The following TNPO2 variants were observed in gnomAD, a reference collection of about 807,000 sequenced individuals.
TNPO2 encodes transportin 2, also known as transportin-2.
In TNPO2, 16 loss-of-function variants were observed where a neutral mutation model predicts 111.1. That is an observed-to-expected ratio of 0.14 (90% confidence interval 0.10 to 0.22). The LOEUF is 0.22. Among genes scored for constraint, TNPO2 ranks in the 10% least tolerant of loss-of-function variants. The probability of loss-of-function intolerance (pLI) is 1.00; values close to 1 mark genes in which losing one functional copy is unlikely to be tolerated. For missense variants in TNPO2, 530 were observed against 1,173.7 expected (o/e 0.45, Z 8.01); for synonymous variants, 481 against 475.8 (o/e 1.01, Z -0.14).
At chr19:12,718,171 A>ATT (rs112380697) in intron 5 of TNPO2, among the ~76,000 whole-genome samples, 3 of 141,820 alleles carry the variant, frequency 2.1e-5, no homozygotes, top group Non-Finnish European at 1.5e-5. Flanking sequence ...CGCCCAGCTA[A>ATT]TTTTTTTTTT....
Position 12,706,450 on chromosome 19 carries a change from A to C in TNPO2, c.1497-83T>G. The C allele has an allele frequency of 6.3e-7, 1 of 1,581,548 alleles. No homozygotes were observed. Among genetic ancestry groups the C allele is most frequent in the East Asian group, 2.2e-5 (1 of 44,722 alleles). On this transcript the variant is annotated intron_variant, in intron 14 of 25. Transcript: ENST00000425528. This position sits in a 1 kb window ranked among gnomAD's most constrained non-coding sequence, Gnocchi z 7.0. Reference sequence around the variant, plus strand: ...CATGGGCAGTTGGGGAGGGCAACTCAGGATCAGCCAGTACGAATACGCGAT... The same window carrying C: ...CATGGGCAGTTGGGGAGGGCAACTCCGGATCAGCCAGTACGAATACGCGAT...
intron 5 of TNPO2, among the ~76,000 whole-genome samples, chr19:12,718,518 C>G (rs1461095673): frequency 6.6e-6 from 1 of 152,108 alleles, no homozygotes; most frequent in Non-Finnish European, 1.5e-5. Context: ...GTTGGCCAGG[C>G]TGGTATTGAA....
chr19:12,702,732 G>T lies in TNPO2; in HGVS notation c.2305+91C>A, dbSNP rs1599405535. The T allele has an allele frequency of 1.1e-5, 13 of 1,211,890 alleles. No individual in the cohort carries two copies. In the East Asian group the frequency reaches 3.0e-4, roughly 28 times the overall value. 75.1% of individuals were successfully genotyped at this position (1,211,890 alleles called of 1,614,324 possible). ...TTCCAGACACCCTCCTTGGTTCCTT[G>T]ACAAGGCTCTTTCTGATGCCCTTCC... On this transcript the variant is annotated intron_variant, in intron 21 of 25. Transcript: ENST00000425528. The surrounding 1 kb of genome is among the most constrained non-coding windows in gnomAD (Gnocchi z 5.5).
At position 12,702,930 on chromosome 19, in the gene TNPO2, C is replaced by T. The variant is rs773522838; in HGVS notation, c.2210-12G>A. On this transcript the variant is annotated splice_polypyrimidine_tract_variant and intron_variant, in intron 20 of 25. Transcript: ENST00000425528. The surrounding 1 kb of genome is among the most constrained non-coding windows in gnomAD (Gnocchi z 5.5). ...CTGCATCTCTGCCCCTGGGGGAGCA[C>T]CCAGTCAGAGCCCTGCACAGCCCCC... 15 of 1,613,206 alleles carry T rather than the reference C, an allele frequency of 9.3e-6. No homozygotes were observed. The highest frequency in any genetic ancestry group is 2.2e-5 in the East Asian group (1 of 44,874).
Position 12,701,621 on chromosome 19 carries a change from C to A in TNPO2, c.2563G>T (p.Asp855Tyr). Residue 855 changes from aspartate (D) to tyrosine (Y), a missense_variant, in exon 24 of 26, where the codon GAC becomes TAC. Transcript: ENST00000425528. This position sits in a 1 kb window ranked among gnomAD's most constrained non-coding sequence, Gnocchi z 5.0. ...ACCTTATAAAACATGTCCCGAAGGT[C>A]ATCCTTCGGGCTCACCCAGGAGGCT... ...AVASWVSPKD[D>Y]LRDMFYKILH... The A allele has an allele frequency of 6.2e-7, 1 of 1,613,768 alleles. No homozygotes were observed. Among genetic ancestry groups the A allele is most frequent in the South Asian group, 1.1e-5 (1 of 91,048 alleles).
Position 12,719,912 on chromosome 19 carries a change from G to A in TNPO2, c.100-576C>T, listed in dbSNP as rs1240044917. On this transcript the variant is annotated intron_variant, in intron 3 of 25. Coordinates refer to ENST00000425528, the MANE Select transcript of TNPO2 (RefSeq NM_001382241.1). This position sits in a 1 kb window ranked among gnomAD's most constrained non-coding sequence, Gnocchi z 5.0. The stretch of plus-strand genomic sequence containing the variant: ...AGGAGAATCCCACTCCTCTTAAAGT[G>A]GCAGCTACTAGTCAGCGATCCCCAC... Among the ~76,000 whole-genome samples the A allele has an allele frequency of 6.6e-6, 1 of 151,536 alleles. No homozygotes were observed. The highest frequency in any genetic ancestry group is 1.5e-5 in the Non-Finnish European group (1 of 67,946).
chr19:12,708,990 G>T (rs1009517397), intron 13 of TNPO2, among the ~76,000 whole-genome samples: 1 of 150,852 alleles, frequency 6.6e-6, no homozygotes, highest in African/African-American at 2.4e-5. Context: ...AGTGAGCCAA[G>T]ATCACACCAC....
At position 12,706,716 on chromosome 19, in the gene TNPO2, C is replaced by G. The variant is rs757503174; in HGVS notation, c.1350G>C (p.Leu450Phe). Residue 450 changes from leucine to phenylalanine, a missense_variant, in exon 14 of 26, where the codon TTG (leucine) becomes TTC (phenylalanine). Around this residue, in one of 4 missense-constraint regions of TNPO2, gnomAD observed 183 missense variants for 481.0 expected, o/e 0.38. Coordinates refer to ENST00000425528, the MANE Select transcript of TNPO2 (RefSeq NM_001382241.1). The surrounding 1 kb of genome is among the most constrained non-coding windows in gnomAD (Gnocchi z 7.0). ...GCGTCCAGCAGGCGATGGAGCGGAC[C>G]AAGGCCTTCTTATCCGACAGGCACT... ...LIQCLSDKKA[L>F]VRSIACWTLS... 2 of 1,613,810 alleles carry G rather than the reference C, an allele frequency of 1.2e-6. No individual in the cohort carries two copies. Among genetic ancestry groups the G allele is most frequent in the Non-Finnish European group, 1.7e-6 (2 of 1,179,828 alleles).
In TNPO2 at chr19:12,719,563, C is replaced by T. The variant is rs1166321891; in HGVS notation, c.100-227G>A. On this transcript the variant is annotated intron_variant, in intron 3 of 25. Transcript: ENST00000425528. The surrounding 1 kb of genome is among the most constrained non-coding windows in gnomAD (Gnocchi z 5.0). ...GTAATCCCAGCACTTTTTGGGAGGT[C>T]AAGGCGGGTGGATCACAAGGTCAGG... Among the ~76,000 whole-genome samples the T allele has an allele frequency of 1.3e-5, 2 of 152,074 alleles. No individual in the cohort carries two copies. The highest frequency in any genetic ancestry group is 4.8e-5 in the African/African-American group (2 of 41,422).
At position 12,715,557 on chromosome 19, in the gene TNPO2, A is replaced by C; in HGVS notation, c.433-19T>G. 6.2e-7 allele frequency: 1 copy of C among 1,613,818 alleles called. No individual in the cohort carries two copies. Among genetic ancestry groups the C allele is most frequent in the South Asian group, 1.1e-5 (1 of 91,082 alleles). On this transcript the variant is annotated intron_variant, in intron 6 of 25. Transcript: ENST00000425528. This position sits in a 1 kb window ranked among gnomAD's most constrained non-coding sequence, Gnocchi z 7.1. ...AGGCTCCCTGAGTGCAGAGGGGCAGAGAGACAAACGTGGGTGGTGGGTGGT... is the reference window on the plus strand; with the variant it reads ...AGGCTCCCTGAGTGCAGAGGGGCAGCGAGACAAACGTGGGTGGTGGGTGGT...
chr19:12,707,663 A>G (rs927851511), intron 13 of TNPO2, among the ~76,000 whole-genome samples: 3 of 149,728 alleles, frequency 2.0e-5, no homozygotes, highest in African/African-American at 7.4e-5. Context: ...TAATTTTTAT[A>G]TTTTTAGTAG....
chr19:12,711,482 T>G (rs1277685052), intron 11 of TNPO2, 21 bp from the exon 12 acceptor site: 1 of 1,613,858 alleles, frequency 6.2e-7, no homozygotes. Context: ...GGCAGACTGT[T>G]AAGTACTTTG....
Position 12,703,428 on chromosome 19 carries a change from C to T in TNPO2, c.2209G>A (p.Gly737Arg). ...WAIGEICMQMGAEMQPYVQMV... is the reference protein window; with the variant it reads ...WAIGEICMQMRAEMQPYVQMV... ...GTGTTGCCACTTGCAGGGCACTCAC[C>T]CATCTGCATGCAGATTTCACCAATG... The change falls in exon 20 of 26, where the codon GGG (glycine) becomes AGG (arginine). Residue 737 changes from glycine (G) to arginine (R), a missense_variant and splice_region_variant. By Grantham distance (125) the Gly-to-Arg change is moderately radical. Coordinates refer to ENST00000425528, the MANE Select transcript of TNPO2 (RefSeq NM_001382241.1). The T allele has an allele frequency of 6.2e-6, 10 of 1,613,310 alleles. No homozygotes were observed. The highest frequency in any genetic ancestry group is 6.8e-6 in the Non-Finnish European group (8 of 1,179,432).
intron 10 of TNPO2, among the ~76,000 whole-genome samples, 176 bp downstream of exon 10, chr19:12,714,645 C>T (rs1368140404): frequency 6.6e-6 from 1 of 152,130 alleles, no homozygotes; most frequent in African/African-American, 2.4e-5. Context: ...CTATCAGTTA[C>T]CTAATTTTGA....
Position 12,711,377 on chromosome 19 carries a change from G to A in TNPO2, c.1036C>T (p.Pro346Ser). ...CCATCAGGCCGCTCAGCCTCGTGGG[G>A]CAGTGTGACCGTGCGTGACTTGTGG... ...RFHKSRTVTL[P>S]HEAERPDGSE... Residue 346 changes from proline (P) to serine (S), a missense_variant, in exon 12 of 26, where the codon CCC becomes TCC. Physicochemically the swap from Pro to Ser is moderately conservative, Grantham distance 74. Transcript: ENST00000425528. 6.2e-7 allele frequency: 1 copy of A among 1,614,048 alleles called. No homozygotes were observed. Among genetic ancestry groups the A allele is most frequent in the Non-Finnish European group, 8.5e-7 (1 of 1,179,898 alleles).
intron 5 of TNPO2, among the ~76,000 whole-genome samples, chr19:12,717,894 C>G (rs2026451247): frequency 6.6e-6 from 1 of 152,116 alleles, no homozygotes; most frequent in African/African-American, 2.4e-5. Context: ...GTAGGCCAGG[C>G]TAGTCTCCAA....
At position 12,723,869 on chromosome 19, in the gene TNPO2, G is replaced by A. The variant is rs1967172794; in HGVS notation, c.-231C>T. ...GTCGGCAGGCGCCTAACTCCACTCG[G>A]AGAATCGCGGAAGACACCCTAAAGG... On this transcript the variant is annotated 5_prime_UTR_variant, in exon 1 of 26. Coordinates refer to ENST00000425528, the MANE Select transcript of TNPO2 (RefSeq NM_001382241.1). 6.6e-6 allele frequency: 1 copy of A among 152,220 alleles called. No individual in the cohort carries two copies. Among genetic ancestry groups the A allele is most frequent in the Non-Finnish European group, 1.5e-5 (1 of 68,052 alleles). 9.4% of individuals were successfully genotyped at this position (152,220 alleles called of 1,614,324 possible). A position where few individuals can be genotyped will look rare whatever the true frequency, so the allele number is the denominator to read the frequency against.
At chr19:12,703,347 T>C (rs1452617361) in intron 20 of TNPO2, 81 bp downstream of exon 20, 2 of 1,303,226 alleles carry the variant, frequency 1.5e-6, no homozygotes, top group South Asian at 1.2e-5. Flanking sequence ...TGAAGGAAGC[T>C]GTCAGTCAGA....
Position 12,699,302 on chromosome 19 carries a change from C to T in TNPO2, c.*1962G>A, listed in dbSNP as rs1327092788. 1 of 435,080 alleles carries T rather than the reference C, an allele frequency of 2.3e-6. No homozygotes were observed. The highest frequency in any genetic ancestry group is 2.0e-5 in the African/African-American group (1 of 49,020). 27.0% of individuals were successfully genotyped at this position (435,080 alleles called of 1,614,324 possible). A position where few individuals can be genotyped will look rare whatever the true frequency, so the allele number is the denominator to read the frequency against. ...CACAGCACAGTAACAAATGGACAGA[C>T]CCGGGAGCCCGCAGGGGGAAGAGGG... On this transcript the variant is annotated 3_prime_UTR_variant, in exon 26 of 26. Transcript: ENST00000425528.
Sources: allele counts gnomAD v4.1 joint callset (sites outside exome capture counted in the v4.1 genomes callset), GRCh38; gene constraint gnomAD v4.1.1; regional missense constraint gnomAD v4.1.1; non-coding constraint Gnocchi (gnomAD v3.1); transcripts MANE v1.5; gene names NCBI Gene and HGNC (gene_info 2026-07-23, HGNC 2026-07-21).